Variants in IDE observed in about 807,000 individuals in gnomAD.
The protein encoded by IDE is insulin-degrading enzyme.
Under a neutral mutation model 133.2 loss-of-function variants are expected in IDE, and 58 were observed. The ratio of observed to expected loss-of-function variants is 0.44; its 90% CI spans 0.35 to 0.54. The LOEUF (loss-of-function observed/expected upper bound fraction) is 0.54, where lower values mean the gene tolerates loss of function less well. IDE is among the 20% of genes least tolerant of loss of function. The pLI, the probability that IDE is intolerant of heterozygous loss-of-function variation, is 0.00. For synonymous variants in IDE, 396 were observed against 421.3 expected (o/e 0.94, Z 0.73); for missense variants, 981 against 1,234.0 (o/e 0.79, Z 3.07).
In IDE at chr10:92,452,675, T is replaced by C. The variant is rs1844805864; in HGVS notation, c.*1769A>G. On this transcript the variant is annotated 3_prime_UTR_variant, in exon 25 of 25. Transcript: ENST00000265986. The stretch of plus-strand genomic sequence containing the variant: ...TAAAAAAGAGCTAAAAGTTACTCAA[T>C]AGCACATAATTTTCCACATAAAAGG... 1 of 152,242 alleles carries C rather than the reference T, an allele frequency of 6.6e-6. No homozygotes were observed. The highest frequency in any genetic ancestry group is 2.4e-5 in the African/African-American group (1 of 41,470). 9.4% of individuals were successfully genotyped at this position (152,242 alleles called of 1,614,324 possible). A position where few individuals can be genotyped will look rare whatever the true frequency, so the allele number is the denominator to read the frequency against.
In IDE at chr10:92,504,819, C is replaced by A; in HGVS notation, c.1405G>T (p.Asp469Tyr). Reference protein sequence around the residue: ...FRPDLIEMVLDKLRPENVRVA... With the variant: ...FRPDLIEMVLYKLRPENVRVA... ...CGGACATTTTCTGGTCTGAGTTTATCGAGAACCATCTCTATTAAGTCAGGT... is the reference window on the plus strand; with the variant it reads ...CGGACATTTTCTGGTCTGAGTTTATAGAGAACCATCTCTATTAAGTCAGGT... The change falls in exon 11 of 25, where the codon GAT becomes TAT. Residue 469 changes from aspartate to tyrosine, a missense_variant. Physicochemically the swap from Asp to Tyr is radical, Grantham distance 160. Transcript: ENST00000265986. 1 of 1,591,500 alleles carries A rather than the reference C, an allele frequency of 6.3e-7. No individual in the cohort carries two copies.
chr10:92,517,573 A>AT (rs1564642003), intron 4 of IDE, among the ~76,000 whole-genome samples: 1 of 152,146 alleles, frequency 6.6e-6, no homozygotes, highest in East Asian at 1.9e-4. Context: ...ACGTCCAGCT[A>AT]TTTTTTTAAT....
chr10:92,490,366 T>C, intron 12 of IDE, 127 bp downstream of exon 12: 1 of 685,384 alleles, frequency 1.5e-6, no homozygotes, highest in Non-Finnish European at 2.6e-6. Flanking sequence ...TGATTTCTCT[T>C]AGGATGGTAC....
Position 92,453,429 on chromosome 10 carries a change from T to C in IDE, c.*1015A>G, listed in dbSNP as rs1589344034. 2 of 152,216 alleles carry C rather than the reference T, an allele frequency of 1.3e-5. No homozygotes were observed. Among genetic ancestry groups the C allele is most frequent in the East Asian group, 3.8e-4 (2 of 5,202 alleles). The allele number at this position is 152,216 out of a possible 1,614,324, so 9.4% of individuals were successfully genotyped here. A position where few individuals can be genotyped will look rare whatever the true frequency, so the allele number is the denominator to read the frequency against. ...TTTAGAGTTTTATGAAGACCTGCTATATAAGAATGCAAGGCTTTACTTTTT... is the reference window on the plus strand; with the variant it reads ...TTTAGAGTTTTATGAAGACCTGCTACATAAGAATGCAAGGCTTTACTTTTT... On this transcript the variant is annotated 3_prime_UTR_variant, in exon 25 of 25. Transcript: ENST00000265986.
At chr10:92,464,612 C>T (rs1210534357) in intron 20 of IDE, among the ~76,000 whole-genome samples, 1 of 152,216 alleles carries the variant, frequency 6.6e-6, no homozygotes, top group Non-Finnish European at 1.5e-5. Flanking sequence ...CCACCTCCAA[C>T]AGCTGTGGTG....
At chr10:92,534,176 ACAG>A (rs756730506) in intron 3 of IDE, among the ~76,000 whole-genome samples, 21 of 152,238 alleles carry the variant, frequency 1.4e-4, no homozygotes, top group Non-Finnish European at 3.1e-4. Flanking sequence ...CACGGTTGAA[ACAG>A]CAGGTCAAAA....
At chr10:92,560,658 C>A (rs1310915072) in intron 1 of IDE, among the ~76,000 whole-genome samples, 2 of 152,042 alleles carry the variant, frequency 1.3e-5, no homozygotes, top group South Asian at 4.1e-4. Context: ...TGGTGCGCAC[C>A]TGTAGTCTCA....
intron 13 of IDE, among the ~76,000 whole-genome samples, chr10:92,486,115 G>A (rs1003074415): frequency 2.6e-5 from 4 of 152,128 alleles, no homozygotes; most frequent in African/African-American, 4.8e-5. Flanking sequence ...TTGGGAGGCC[G>A]AGGCAGGTGG....
chr10:92,456,453 G>A, intron 22 of IDE, 22 bp from the exon 23 acceptor site: 1 of 1,580,852 alleles, frequency 6.3e-7, no homozygotes, highest in Non-Finnish European at 8.7e-7. Flanking sequence ...GAAGAGCAGG[G>A]TCACCCTTTT....
At position 92,537,528 on chromosome 10, in the gene IDE, T is replaced by C. The variant is rs769927196; in HGVS notation, c.121A>G (p.Lys41Glu). 1.3e-6 allele frequency: 2 copies of C among 1,597,192 alleles called. No individual in the cohort carries two copies. The highest frequency in any genetic ancestry group is 1.7e-6 in the Non-Finnish European group (2 of 1,175,696). ...CTCTTGATGGCTGGATTATTCATTTTGCTGTAAGTCTTTTTTTGGAAACTG... is the reference window on the plus strand; with the variant it reads ...CTCTTGATGGCTGGATTATTCATTTCGCTGTAAGTCTTTTTTTGGAAACTG... ...LCGFQKKTYS[K>E]MNNPAIKRIG... Residue 41 changes from lysine to glutamate, a missense_variant, in exon 2 of 25, where the codon AAA becomes GAA. By Grantham distance (56) the Lys-to-Glu change is moderately conservative (BLOSUM62 1). Around this residue, in one of 2 missense-constraint regions of IDE, gnomAD observed 321 missense variants for 339.3 expected, o/e 0.95. Transcript: ENST00000265986.
rs749046548 is a variant in IDE at position 92,531,887 on chromosome 10, G to A, written c.522C>T (p.Phe174=). 2.1e-5 allele frequency: 33 copies of A among 1,560,002 alleles called. 1 individual carries two copies. Among genetic ancestry groups the A allele is most frequent in the Middle Eastern group, 1.7e-4 (1 of 5,852 alleles). The change falls in exon 4 of 25, where the codon TTC becomes TTT. Residue 174 remains phenylalanine (F), a synonymous_variant. Coordinates refer to ENST00000265986, the MANE Select transcript of IDE (RefSeq NM_004969.4). ...RFAQFFLCPL[F]DESCKDREVN... is the part of the protein sequence containing the mutation. ...CCTCTCTGTCTTTGCAACTTTCATC[G>A]AACAAGGGGCACAGAAAAAACTGTG... is the stretch of plus-strand genomic sequence containing the variant.
chr10:92,510,833 T>C lies in IDE; in HGVS notation c.785-671A>G, dbSNP rs780218110. On this transcript the variant is annotated intron_variant, in intron 5 of 24. Transcript: ENST00000265986. ...TATCACATATATGATATATAGCACA[T>C]ACATATCACACATATGATATATATC... Among the ~76,000 whole-genome samples the C allele has an allele frequency of 7.6e-4, 115 of 150,796 alleles. 1 individual carries two copies. The highest frequency in any genetic ancestry group is 2.6e-3 in the African/African-American group (106 of 41,166).
At chr10:92,553,316 C>T (rs762911517) in intron 1 of IDE, among the ~76,000 whole-genome samples, 1 of 151,398 alleles carries the variant, frequency 6.6e-6, no homozygotes, top group Admixed American at 6.6e-5. Flanking sequence ...CCCAGGTACT[C>T]AGGAAGCTGA....
chr10:92,484,471 A>G (rs971157288), intron 13 of IDE, among the ~76,000 whole-genome samples: 4 of 151,372 alleles, frequency 2.6e-5, no homozygotes, highest in Non-Finnish European at 4.4e-5. Flanking sequence ...AGCAGCTCAC[A>G]CCTGTAATCC....
intron 21 of IDE, among the ~76,000 whole-genome samples, chr10:92,462,049 C>T (rs1845421566): frequency 6.6e-6 from 1 of 151,874 alleles, no homozygotes; most frequent in Non-Finnish European, 1.5e-5. Flanking sequence ...GGCACAGTGG[C>T]TCATGCCTAT....
chr10:92,537,926 G>A (rs545430432), intron 1 of IDE, among the ~76,000 whole-genome samples: 9 of 152,178 alleles, frequency 5.9e-5, no homozygotes, highest in African/African-American at 1.7e-4. Context: ...ATGCAGTAGC[G>A]TGATTTTGGC....
At chr10:92,554,855 C>CA (rs1030896595) in intron 1 of IDE, 61 of 137,214 alleles carry the variant, frequency 4.4e-4, no homozygotes, top group African/African-American at 6.7e-4. Flanking sequence ...AATTCCATCT[C>CA]AAAAAAAAAA....
At chr10:92,471,187 CTT>C (rs1236064533) in intron 17 of IDE, among the ~76,000 whole-genome samples, 2 of 152,132 alleles carry the variant, frequency 1.3e-5, no homozygotes, top group Non-Finnish European at 2.9e-5. Flanking sequence ...CTATTTCCCT[CTT>C]TCTTTTTACA....
intron 4 of IDE, among the ~76,000 whole-genome samples, chr10:92,524,554 A>C (rs1223342806): frequency 9.4e-6 from 1 of 105,826 alleles, no homozygotes; most frequent in Non-Finnish European, 1.8e-5. Context: ...TTATATATAT[A>C]TTTTATATAT....
Sources: allele counts gnomAD v4.1 joint callset (sites outside exome capture counted in the v4.1 genomes callset), GRCh38; gene constraint gnomAD v4.1.1; regional missense constraint gnomAD v4.1.1; transcripts MANE v1.5; gene names NCBI Gene and HGNC (gene_info 2026-07-23, HGNC 2026-07-21).